CAMK2D: variants seen among roughly 807,000 people sequenced by gnomAD.
The protein encoded by CAMK2D is calcium/calmodulin-dependent protein kinase type II subunit delta.
A neutral mutation model predicts 84.0 loss-of-function variants in CAMK2D; 37 were observed. The ratio of observed to expected loss-of-function variants is 0.44; its 90% CI spans 0.34 to 0.58. The LOEUF is 0.58. Among genes scored for constraint, CAMK2D ranks in the 20% least tolerant of loss-of-function variants. The pLI, the probability that CAMK2D is intolerant of heterozygous loss-of-function variation, is 0.02. For synonymous variants in CAMK2D, 202 were observed against 212.5 expected (o/e 0.95, Z 0.43); for missense variants, 448 against 652.5 (o/e 0.69, Z 3.41).
intron 2 of CAMK2D, among the ~76,000 whole-genome samples, chr4:113,719,842 A>G (rs1337464761): frequency 1.3e-5 from 2 of 152,196 alleles, no homozygotes; most frequent in Non-Finnish European, 2.9e-5. Context: ...GATCTAAAAC[A>G]TCACCTAAAA....
chr4:113,582,541 T>C (rs1196107683), intron 4 of CAMK2D, among the ~76,000 whole-genome samples: 1 of 151,264 alleles, frequency 6.6e-6, no homozygotes, highest in Admixed American at 6.6e-5. Flanking sequence ...TAAGTATCCC[T>C]CCTTTTACCT....
intron 8 of CAMK2D, among the ~76,000 whole-genome samples, chr4:113,522,897 T>C (rs72905975): frequency 0.023 from 3,486 of 152,250 alleles, 114 homozygotes; most frequent in African/African-American, 0.071. Context: ...AAAATTCATA[T>C]GTTGACATCC....
intron 4 of CAMK2D, among the ~76,000 whole-genome samples, chr4:113,554,965 G>A (rs1176924558): frequency 9.9e-6 from 1 of 100,584 alleles, no homozygotes; most frequent in Admixed American, 1.2e-4. Context: ...GAAAAAAAAA[G>A]ATAACTCTAG....
At chr4:113,648,799 A>G (rs1481932283) in intron 3 of CAMK2D, among the ~76,000 whole-genome samples, 2 of 152,180 alleles carry the variant, frequency 1.3e-5, no homozygotes, top group African/African-American at 4.8e-5. Context: ...GGATGCTCAC[A>G]TGGTAAGAAG....
At chr4:113,506,674 A>T (rs1011090874) in intron 13 of CAMK2D, among the ~76,000 whole-genome samples, 1 of 152,222 alleles carries the variant, frequency 6.6e-6, no homozygotes, top group African/African-American at 2.4e-5. Flanking sequence ...GAACAGGGGC[A>T]CTTATGGTTA....
chr4:113,569,053 T>C (rs1306350099), intron 4 of CAMK2D, among the ~76,000 whole-genome samples: 5 of 152,128 alleles, frequency 3.3e-5, no homozygotes, highest in African/African-American at 1.2e-4. Flanking sequence ...TTTTCATTAA[T>C]TTTTCTTTTT....
intron 17 of CAMK2D, among the ~76,000 whole-genome samples, chr4:113,464,347 T>C (rs1381663257): frequency 6.6e-6 from 1 of 152,156 alleles, no homozygotes; most frequent in Admixed American, 6.5e-5. Flanking sequence ...ATATAAAAAA[T>C]TAAATTTTGA....
intron 3 of CAMK2D, among the ~76,000 whole-genome samples, chr4:113,658,384 G>A (rs1451531868): frequency 6.6e-6 from 1 of 152,044 alleles, no homozygotes; most frequent in African/African-American, 2.4e-5. Context: ...GCAGGCTATT[G>A]GTTCCCTCTG....
intron 6 of CAMK2D, among the ~76,000 whole-genome samples, chr4:113,543,508 A>G (rs1332680474): frequency 6.6e-6 from 1 of 151,780 alleles, no homozygotes; most frequent in Non-Finnish European, 1.5e-5. Context: ...GGCATAAGCC[A>G]CTGCACCGGG....
chr4:113,716,364 C>T (rs2099513344), intron 2 of CAMK2D, among the ~76,000 whole-genome samples: 1 of 151,994 alleles, frequency 6.6e-6, no homozygotes, highest in Admixed American at 6.6e-5. Context: ...AAATCACAAG[C>T]TTGGGCTGGG....
Position 113,548,250 on chromosome 4 carries a change from G to A in CAMK2D, c.342-534C>T, listed in dbSNP as rs1047309732. 2.0e-5 allele frequency among the ~76,000 whole-genome samples: 3 copies of A among 152,158 alleles called. No individual in the cohort carries two copies. In the South Asian group the frequency reaches 6.2e-4, roughly 32 times the overall value. ...GCCTAAGGGTTCATCAGACTCAAATGGAGCAATGCGTAACCAGTTGTTCTG... is the reference window on the plus strand; with the variant it reads ...GCCTAAGGGTTCATCAGACTCAAATAGAGCAATGCGTAACCAGTTGTTCTG... On this transcript the variant is annotated intron_variant, in intron 5 of 20. Transcript: ENST00000511664.
At chr4:113,667,188 T>A (rs6533708) in intron 2 of CAMK2D, among the ~76,000 whole-genome samples, 9,639 of 152,184 alleles carry the variant, frequency 0.063, 1,033 homozygotes, top group African/African-American at 0.22. Flanking sequence ...TACATTTTTT[T>A]AAAAAATCTC....
At chr4:113,566,444 C>CTA (rs1232491715) in intron 4 of CAMK2D, among the ~76,000 whole-genome samples, 1 of 152,188 alleles carries the variant, frequency 6.6e-6, no homozygotes, top group African/African-American at 2.4e-5. Context: ...TTCTGCCCTC[C>CTA]TATAATCCCT....
At chr4:113,520,778 A>G (rs181235085) in intron 8 of CAMK2D, among the ~76,000 whole-genome samples, 41 of 152,292 alleles carry the variant, frequency 2.7e-4, no homozygotes, top group Middle Eastern at 3.4e-3. Context: ...CTATAATCCC[A>G]GCACTTTGGG....
At chr4:113,639,890 G>A (rs909785444) in intron 3 of CAMK2D, among the ~76,000 whole-genome samples, 6 of 152,074 alleles carry the variant, frequency 3.9e-5, no homozygotes, top group Non-Finnish European at 5.9e-5. Flanking sequence ...TGACAGATCC[G>A]AGTTGCATTT....
At chr4:113,514,199 G>A (rs2098254964) in intron 10 of CAMK2D, among the ~76,000 whole-genome samples, 1 of 152,212 alleles carries the variant, frequency 6.6e-6, no homozygotes, top group Admixed American at 6.5e-5. Flanking sequence ...TGGATCACGA[G>A]GTCAGGAGTT....
chr4:113,611,433 G>A (rs1175572844), intron 3 of CAMK2D, among the ~76,000 whole-genome samples: 1 of 152,146 alleles, frequency 6.6e-6, no homozygotes, highest in Non-Finnish European at 1.5e-5. Flanking sequence ...GGGTTCCCAT[G>A]TTATCAAAGT....
intron 2 of CAMK2D, among the ~76,000 whole-genome samples, chr4:113,697,456 A>C (rs2099406265): frequency 6.6e-6 from 1 of 152,140 alleles, no homozygotes; most frequent in South Asian, 2.1e-4. Context: ...GAATGTAAAA[A>C]TATATTAATT....
chr4:113,637,831 C>T (rs1431561894), intron 3 of CAMK2D, among the ~76,000 whole-genome samples: 3 of 152,002 alleles, frequency 2.0e-5, no homozygotes, highest in Non-Finnish European at 4.4e-5. Context: ...GCTGCCTGGA[C>T]ATACCAGAGT....
Sources: allele counts gnomAD v4.1 joint callset (sites outside exome capture counted in the v4.1 genomes callset), GRCh38; gene constraint gnomAD v4.1.1; transcripts MANE v1.5; gene names NCBI Gene and HGNC (gene_info 2026-07-23, HGNC 2026-07-21).